Variants in ARFGAP3 observed in about 807,000 individuals in gnomAD.
ARFGAP3 encodes ADP-ribosylation factor GTPase-activating protein 3.
ARFGAP3 carries 72 observed loss-of-function variants against 75.0 expected under a neutral mutation model. The ratio of observed to expected loss-of-function variants is 0.96; its 90% CI spans 0.79 to 1.17. The LOEUF is 1.17. Among genes scored for constraint, ARFGAP3 ranks in the 50% most tolerant of loss-of-function variants. The probability of loss-of-function intolerance (pLI) is 0.00; values close to 1 mark genes in which losing one functional copy is unlikely to be tolerated. For missense variants in ARFGAP3, 620 were observed against 626.6 expected (o/e 0.99, Z 0.11); for synonymous variants, 221 against 217.9 (o/e 1.01, Z -0.13).
At chr22:42,834,009 GC>G (rs1159044214) in intron 5 of ARFGAP3, among the ~76,000 whole-genome samples, 5 of 152,198 alleles carry the variant, frequency 3.3e-5, no homozygotes, top group Admixed American at 2.0e-4. Flanking sequence ...TGGAGCAGCT[GC>G]TTTAGACCCT....
At position 42,847,578 on chromosome 22, in the gene ARFGAP3, C is replaced by T. The variant is rs760205391; in HGVS notation, c.124G>A (p.Val42Met). The change falls in exon 2 of 16, where the codon GTG (valine) becomes ATG (methionine). Residue 42 changes from valine to methionine, a missense_variant. Coordinates refer to ENST00000263245, the MANE Select transcript of ARFGAP3 (RefSeq NM_014570.5). The stretch of plus-strand genomic sequence containing the variant: ...CCTGAGCAATCAATGCAAAGGAACA[C>T]TCCATAGGTTATGCTTGCCCAGCTG... The part of the protein sequence containing the change: ...NPSWASITYG[V>M]FLCIDCSGSH... 5.0e-6 allele frequency: 8 copies of T among 1,613,696 alleles called. No individual in the cohort carries two copies. The African/African-American group carries it at 8.0e-5, about 16-fold the overall frequency.
Position 42,849,918 on chromosome 22 carries a change from A to G in ARFGAP3, c.70-2286T>C, listed in dbSNP as rs1602135474. Among the ~76,000 whole-genome samples the G allele has an allele frequency of 4.6e-5, 7 of 152,144 alleles. No individual in the cohort carries two copies. The South Asian group carries it at 1.0e-3, about 23-fold the overall frequency. On this transcript the variant is annotated intron_variant, in intron 1 of 15. Transcript: ENST00000263245. ...AGAACCTGCACATGGTAAACGCACAATAAGTGTTTGCTGAATAGTTGTGTA... is the reference window on the plus strand; with the variant it reads ...AGAACCTGCACATGGTAAACGCACAGTAAGTGTTTGCTGAATAGTTGTGTA...
Position 42,807,106 on chromosome 22 carries a change from C to G in ARFGAP3, c.1378G>C (p.Asp460His), listed in dbSNP as rs1222953658. The G allele has an allele frequency of 6.2e-7, 1 of 1,612,708 alleles. No homozygotes were observed. The highest frequency in any genetic ancestry group is 1.1e-5 in the South Asian group (1 of 90,660). ...LSASSSISSA[D>H]LFEEPRKQPA... ...TGCTTCCTCGGCTCCTCGAACAGAT[C>G]AGCCGAGCTTATGGAGGAACTTGCC... Residue 460 changes from aspartate to histidine, a missense_variant, in exon 14 of 16, where the codon GAT becomes CAT. Asp to His is a moderately conservative substitution (Grantham distance 81, BLOSUM62 -1). Transcript: ENST00000263245.
intron 1 of ARFGAP3, among the ~76,000 whole-genome samples, chr22:42,852,532 T>A (rs1331190522): frequency 6.6e-6 from 1 of 151,194 alleles, no homozygotes; most frequent in Non-Finnish European, 1.5e-5. Flanking sequence ...GCTAATTTTT[T>A]GTATTTTTAG....
At chr22:42,823,489 CATT>C (rs1364530740) in intron 8 of ARFGAP3, among the ~76,000 whole-genome samples, 164 bp downstream of exon 8, 1 of 50,268 alleles carries the variant, frequency 2.0e-5, no homozygotes, top group African/African-American at 7.0e-5. Context: ...ATAAGTATAA[CATT>C]AATCTCTTTG....
intron 2 of ARFGAP3, among the ~76,000 whole-genome samples, chr22:42,845,589 A>G (rs956216155): frequency 2.0e-5 from 3 of 151,998 alleles, no homozygotes; most frequent in Non-Finnish European, 4.4e-5. Flanking sequence ...TTCAATGGGG[A>G]AAAGACAGTC....
chr22:42,812,502 C>T (rs1006664448), intron 11 of ARFGAP3, among the ~76,000 whole-genome samples: 6 of 151,948 alleles, frequency 3.9e-5, no homozygotes, highest in African/African-American at 1.5e-4. Context: ...AGGAGTTGCA[C>T]AGAAGATGCA....
intron 14 of ARFGAP3, among the ~76,000 whole-genome samples, chr22:42,800,594 AC>A (rs1924812884): frequency 6.6e-6 from 1 of 152,204 alleles, no homozygotes; most frequent in South Asian, 2.1e-4. Context: ...CTGACAAGTT[AC>A]CCTGCAACGT....
At chr22:42,806,250 A>G (rs1052515824) in intron 14 of ARFGAP3, among the ~76,000 whole-genome samples, 2 of 151,572 alleles carry the variant, frequency 1.3e-5, no homozygotes, top group Non-Finnish European at 2.9e-5. Flanking sequence ...TTTCACGTTA[A>G]CCACAGGGCC....
intron 11 of ARFGAP3, among the ~76,000 whole-genome samples, chr22:42,813,229 T>C (rs985556672): frequency 2.0e-5 from 3 of 152,288 alleles, no homozygotes; most frequent in South Asian, 2.1e-4. Context: ...AACTGACTTA[T>C]GGAAGGGAGG....
At chr22:42,847,313 T>C (rs1927065563) in intron 2 of ARFGAP3, 1 of 505,184 alleles carries the variant, frequency 2.0e-6, no homozygotes, top group Non-Finnish European at 3.6e-6. Flanking sequence ...ACTAGAGTTA[T>C]ACATCATCAC....
At chr22:42,826,781 A>C (rs1926057569) in intron 7 of ARFGAP3, among the ~76,000 whole-genome samples, 159 bp downstream of exon 7, 1 of 152,168 alleles carries the variant, frequency 6.6e-6, no homozygotes, top group Non-Finnish European at 1.5e-5. Flanking sequence ...AAAAACATAT[A>C]TATATAGTAT....
chr22:42,801,887 G>A (rs770480915), intron 14 of ARFGAP3, among the ~76,000 whole-genome samples: 27 of 152,162 alleles, frequency 1.8e-4, no homozygotes, highest in Non-Finnish European at 3.2e-4. Flanking sequence ...GTAAATACGG[G>A]TTGCGGGGCT....
chr22:42,817,006 T>C (rs1925604280), intron 11 of ARFGAP3, 136 bp downstream of exon 11: 1 of 644,744 alleles, frequency 1.6e-6, no homozygotes. Flanking sequence ...AAAGAACAGC[T>C]CTGGCTCCAG....
At chr22:42,838,573 A>G (rs1322646396) in intron 3 of ARFGAP3, among the ~76,000 whole-genome samples, 1 of 151,974 alleles carries the variant, frequency 6.6e-6, no homozygotes, top group Non-Finnish European at 1.5e-5. Context: ...TTGGGATTCC[A>G]GGCACGAGCC....
In ARFGAP3 at chr22:42,797,548, A is replaced by C. The variant is rs768019340; in HGVS notation, c.*40T>G. ...GAGATGTGGTTACTTGTTCATTTAA[A>C]GAGGAATTTCTCCAGGAAATACACA... is the stretch of plus-strand genomic sequence containing the variant. On this transcript the variant is annotated 3_prime_UTR_variant, in exon 16 of 16. Transcript: ENST00000263245. 6.2e-7 allele frequency: 1 copy of C among 1,613,878 alleles called. No individual in the cohort carries two copies. Among genetic ancestry groups the C allele is most frequent in the African/African-American group, 1.3e-5 (1 of 74,952 alleles).
chr22:42,850,335 G>T (rs368868574), intron 1 of ARFGAP3, among the ~76,000 whole-genome samples: 1 of 151,986 alleles, frequency 6.6e-6, no homozygotes, highest in East Asian at 1.9e-4. Flanking sequence ...ACTTTGGGAG[G>T]CCAAGGCAGG....
At chr22:42,856,952 C>A (rs980247835) in intron 1 of ARFGAP3, among the ~76,000 whole-genome samples, 162 bp downstream of exon 1, 1 of 150,086 alleles carries the variant, frequency 6.7e-6, no homozygotes, top group African/African-American at 2.4e-5. Flanking sequence ...GCTGCCCGGC[C>A]CCGCCCGCCC....
Position 42,808,761 on chromosome 22 carries a change from C to G in ARFGAP3, c.1320+6G>C, listed in dbSNP as rs770945545. On this transcript the variant is annotated splice_donor_region_variant and intron_variant, in intron 13 of 15. Coordinates refer to ENST00000263245, the MANE Select transcript of ARFGAP3 (RefSeq NM_014570.5). ...GGGCACCCAAAGAAACTCTCTGGAC[C>G]CTTACATCAGCCTGGGATTGTCTTC... The G allele has an allele frequency of 1.2e-6, 2 of 1,607,926 alleles. No homozygotes were observed. Among genetic ancestry groups the G allele is most frequent in the South Asian group, 1.1e-5 (1 of 90,084 alleles).
Sources: gnomAD v4.1 joint callset for allele counts (sites outside exome capture counted in the v4.1 genomes callset) on GRCh38, gnomAD v4.1.1 for gene constraint, MANE v1.5 for transcripts, NCBI Gene and HGNC (gene_info 2026-07-23, HGNC 2026-07-21) for gene names.